Variants in MEI4 observed in about 807,000 individuals in gnomAD.
The protein encoded by MEI4 is meiotic double-stranded break formation protein 4.
A neutral mutation model predicts 31.4 loss-of-function variants in MEI4; 27 were observed. The ratio of observed to expected loss-of-function variants is 0.86; its 90% CI spans 0.63 to 1.19. The LOEUF (loss-of-function observed/expected upper bound fraction) is 1.19. Among genes scored for constraint, MEI4 ranks in the 50% most tolerant of loss-of-function variants. The pLI, the probability that MEI4 is intolerant of heterozygous loss-of-function variation, is 0.00. For missense variants in MEI4, 329 were observed against 398.9 expected, an observed-to-expected ratio of 0.82 and a Z score of 1.49; for synonymous variants, 122 against 145.4, an observed-to-expected ratio of 0.84 and a Z score of 1.16.
chr6:77,706,549 T>C (rs1300413818), intron 2 of MEI4, among the ~76,000 whole-genome samples: 1 of 152,210 alleles, frequency 6.6e-6, no homozygotes, highest in Non-Finnish European at 1.5e-5. Context: ...TGTTATCTTT[T>C]TCTCCTGTTA....
chr6:77,884,580 A>G (rs13207418), intron 4 of MEI4, among the ~76,000 whole-genome samples: 39,831 of 152,020 alleles, frequency 0.26, 5,810 homozygotes, highest in South Asian at 0.37. Context: ...TTGGATATCC[A>G]GTTGTCTCAG....
chr6:77,744,475 G>C (rs1199004540), intron 2 of MEI4, among the ~76,000 whole-genome samples: 1 of 151,950 alleles, frequency 6.6e-6, no homozygotes, highest in Non-Finnish European at 1.5e-5. Context: ...TATGCGAAAA[G>C]ACCAAATCTA....
At chr6:77,669,971 A>G (rs895752267) in intron 1 of MEI4, among the ~76,000 whole-genome samples, 1 of 152,214 alleles carries the variant, frequency 6.6e-6, no homozygotes, top group Non-Finnish European at 1.5e-5. Context: ...AAAATTGGTC[A>G]ATCCTTGTAG....
chr6:77,728,908 G>A (rs540015038), intron 2 of MEI4, among the ~76,000 whole-genome samples: 16 of 152,200 alleles, frequency 1.1e-4, no homozygotes, highest in African/African-American at 3.9e-4. Flanking sequence ...TCTGGCTGCT[G>A]TATGGAGAAT....
chr6:77,808,102 C>G (rs1462287446), intron 3 of MEI4, among the ~76,000 whole-genome samples: 1 of 152,092 alleles, frequency 6.6e-6, no homozygotes, highest in Non-Finnish European at 1.5e-5. Flanking sequence ...TGCCTGTTGT[C>G]CTAGAGTAAT....
At chr6:77,677,335 A>C (rs1562202067) in intron 1 of MEI4, among the ~76,000 whole-genome samples, 1 of 152,090 alleles carries the variant, frequency 6.6e-6, no homozygotes, top group Non-Finnish European at 1.5e-5. Context: ...TCTACCTTGC[A>C]GTTAGGTAAG....
At chr6:77,917,541 ATG>A (rs1318321626) in intron 4 of MEI4, among the ~76,000 whole-genome samples, 2 of 136,160 alleles carry the variant, frequency 1.5e-5, no homozygotes, top group Non-Finnish European at 3.1e-5. Flanking sequence ...GCATTTTTTC[ATG>A]TGTTTTTTGG....
rs552984122 is a variant in MEI4, at chr6:77,924,798, A to C, written c.*1452A>C. ...CCACATGCATTGTCAAAGTACATCAAATGGTCAAGCCCAAAGAAAAGTGAC... is the reference window on the plus strand; with the variant it reads ...CCACATGCATTGTCAAAGTACATCACATGGTCAAGCCCAAAGAAAAGTGAC... On this transcript the variant is annotated 3_prime_UTR_variant, in exon 5 of 5. Transcript: ENST00000684080. 2 of 151,820 alleles carry C rather than the reference A, an allele frequency of 1.3e-5. No individual in the cohort carries two copies. Among genetic ancestry groups the C allele is most frequent in the Admixed American group, 1.3e-4 (2 of 15,156 alleles). 9.4% of individuals were successfully genotyped at this position (151,820 alleles called of 1,614,324 possible).
chr6:77,765,362 T>C (rs914868842), intron 3 of MEI4, among the ~76,000 whole-genome samples: 2 of 151,926 alleles, frequency 1.3e-5, no homozygotes, highest in South Asian at 4.1e-4. Context: ...TGACAACTTA[T>C]ATTTCATATA....
At chr6:77,888,637 C>T (rs1469514986) in intron 4 of MEI4, among the ~76,000 whole-genome samples, 4 of 151,702 alleles carry the variant, frequency 2.6e-5, no homozygotes, top group Non-Finnish European at 5.9e-5. Flanking sequence ...ACTTTTTTTT[C>T]AATGCTTTGA....
intron 4 of MEI4, among the ~76,000 whole-genome samples, chr6:77,910,925 G>GTTT (rs58959367): frequency 1.7e-5 from 2 of 120,574 alleles, no homozygotes; most frequent in Middle Eastern, 4.2e-3. Context: ...CCAGCTTCTG[G>GTTT]TTTTTTTTTT....
chr6:77,913,000 A>G (rs1766464902), intron 4 of MEI4, among the ~76,000 whole-genome samples: 2 of 152,104 alleles, frequency 1.3e-5, no homozygotes, highest in South Asian at 2.1e-4. Context: ...TGACTAGTTT[A>G]TTGAACTTTC....
At position 77,822,602 on chromosome 6, in the gene MEI4, G is replaced by T. The variant is rs1316077604; in HGVS notation, c.769-6329G>T. 4.4e-5 allele frequency among the ~76,000 whole-genome samples: 6 copies of T among 136,560 alleles called. No homozygotes were observed. The East Asian group carries it at 1.3e-3, about 30-fold the overall frequency. The allele number at this position is 136,560 out of a possible 152,430, so 89.6% of individuals were successfully genotyped here. A position where few individuals can be genotyped will look rare whatever the true frequency, so the allele number is the denominator to read the frequency against. On this transcript the variant is annotated intron_variant, in intron 3 of 4. Transcript: ENST00000684080. ...CTTTCAGATCATGATAAGCTGGATTGCATTTGGATACCCCCCCCCCCTTTT... is the reference window on the plus strand; with the variant it reads ...CTTTCAGATCATGATAAGCTGGATTTCATTTGGATACCCCCCCCCCCTTTT...
At chr6:77,876,255 A>G (rs1477924224) in intron 4 of MEI4, among the ~76,000 whole-genome samples, 1 of 152,218 alleles carries the variant, frequency 6.6e-6, no homozygotes, top group Non-Finnish European at 1.5e-5. Context: ...GCTTTGTAAC[A>G]GTTTTAAGAG....
intron 2 of MEI4, among the ~76,000 whole-genome samples, chr6:77,731,089 T>C (rs183810193): frequency 7.1e-4 from 108 of 151,976 alleles, no homozygotes; most frequent in Admixed American, 2.0e-3. Context: ...AATAAACATA[T>C]GTGTGCATGT....
chr6:77,849,561 G>T (rs540383570), intron 4 of MEI4, among the ~76,000 whole-genome samples: 1 of 152,120 alleles, frequency 6.6e-6, no homozygotes, highest in Non-Finnish European at 1.5e-5. Flanking sequence ...TTATATAAGC[G>T]TTAGTTTCTT....
At chr6:77,903,512 AC>A (rs1166388804) in intron 4 of MEI4, among the ~76,000 whole-genome samples, 1 of 152,130 alleles carries the variant, frequency 6.6e-6, no homozygotes, top group African/African-American at 2.4e-5. Flanking sequence ...AATATTTTCA[AC>A]TTACAATGGG....
At position 77,923,124 on chromosome 6, in the gene MEI4, C is replaced by T. The variant is rs1766749237; in HGVS notation, c.936C>T (p.Asn312=). ...GTTATGATGTGTCACGCTATGAAAA[C>T]ATTTTCTACCTGTTCTGGGTTCTGG... The part of the protein sequence containing the change: ...QASYDVSRYE[N]IFYLFWVLEQ... Residue 312 remains asparagine (N), a synonymous_variant, in exon 5 of 5, where the codon AAC becomes AAT. Transcript: ENST00000684080. 4.9e-6 allele frequency: 6 copies of T among 1,230,164 alleles called. No homozygotes were observed. The highest frequency in any genetic ancestry group is 6.1e-6 in the Non-Finnish European group (6 of 986,686). 76.2% of individuals were successfully genotyped at this position (1,230,164 alleles called of 1,614,324 possible).
chr6:77,806,689 A>T (rs1769449635), intron 3 of MEI4, among the ~76,000 whole-genome samples: 1 of 152,182 alleles, frequency 6.6e-6, no homozygotes. Context: ...CTTTGAGGTC[A>T]TATTTACTGA....
Sources: gnomAD v4.1 joint callset for allele counts (sites outside exome capture counted in the v4.1 genomes callset) on GRCh38, gnomAD v4.1.1 for gene constraint, MANE v1.5 for transcripts, NCBI Gene and HGNC (gene_info 2026-07-23, HGNC 2026-07-21) for gene names.